PIK3R1: variants seen among roughly 807,000 people sequenced by gnomAD.
The protein encoded by PIK3R1 is phosphoinositide-3-kinase regulatory subunit 1.
PIK3R1 carries 29 observed loss-of-function variants against 98.0 expected under a neutral mutation model. That is an observed-to-expected ratio of 0.30 (90% CI 0.22 to 0.40). The LOEUF (loss-of-function observed/expected upper bound fraction) is 0.40, where lower values mean the gene tolerates loss of function less well. Ranked by LOEUF, PIK3R1 falls within the 10% of genes least tolerant of loss-of-function variation. The pLI is 1.00. For synonymous variants in PIK3R1, 282 were observed against 311.8 expected (o/e 0.90, Z 1.01); for missense variants, 596 against 872.7 (o/e 0.68, Z 3.99).
intron 2 of PIK3R1, among the ~76,000 whole-genome samples, chr5:68,271,244 T>TC (rs1198986247): frequency 1.6e-3 from 240 of 152,174 alleles, no homozygotes; most frequent in African/African-American, 5.3e-3. Context: ...GAGGTGAAGT[T>TC]CCCACCCAGC....
intron 1 of PIK3R1, among the ~76,000 whole-genome samples, chr5:68,219,640 C>T (rs1159928338): frequency 6.6e-6 from 1 of 152,242 alleles, no homozygotes; most frequent in Non-Finnish European, 1.5e-5. Flanking sequence ...ACTACATGGG[C>T]AAAGTCCACA....
rs1311409210 is a variant in PIK3R1, at chr5:68,226,445, C to T, written c.-231C>T. On this transcript the variant is annotated 5_prime_UTR_variant, in exon 2 of 16. The change creates a new upstream start codon in the 5' untranslated region. Coordinates refer to ENST00000521381, the MANE Select transcript of PIK3R1 (RefSeq NM_181523.3). ...GGAAGCCAGTGAGAGGACTGTGGCA[C>T]GCAGAGGAAGTGGAGCCCTGTCTTC... 22 of 512,428 alleles carry T rather than the reference C, an allele frequency of 4.3e-5. No homozygotes were observed. The highest frequency in any genetic ancestry group is 2.0e-4 in the East Asian group (7 of 34,600). 31.7% of individuals were successfully genotyped at this position (512,428 alleles called of 1,614,324 possible). A position where few individuals can be genotyped will look rare whatever the true frequency, so the allele number is the denominator to read the frequency against.
intron 4 of PIK3R1, among the ~76,000 whole-genome samples, chr5:68,275,204 T>C (rs1746523003): frequency 6.6e-6 from 1 of 152,230 alleles, no homozygotes; most frequent in Non-Finnish European, 1.5e-5. Context: ...GAACAGAGCA[T>C]ATCCTCTTTG....
intron 2 of PIK3R1, among the ~76,000 whole-genome samples, chr5:68,270,105 G>A (rs961908589): frequency 7.9e-5 from 12 of 152,024 alleles, no homozygotes; most frequent in African/African-American, 2.9e-4. Flanking sequence ...TTTGAGAAAA[G>A]TTCCAGTGTT....
At chr5:68,228,323 A>T (rs1263569005) in intron 2 of PIK3R1, among the ~76,000 whole-genome samples, 1 of 152,210 alleles carries the variant, frequency 6.6e-6, no homozygotes, top group African/African-American at 2.4e-5. Context: ...ATAGATTGGG[A>T]ATATTGTGTT....
chr5:68,278,854 C>A (rs140413457), intron 4 of PIK3R1, among the ~76,000 whole-genome samples: 1 of 152,048 alleles, frequency 6.6e-6, no homozygotes, highest in Non-Finnish European at 1.5e-5. Context: ...GCAGGAGAAT[C>A]GCTTGAACCC....
chr5:68,275,114 A>G (rs763399027), intron 4 of PIK3R1, among the ~76,000 whole-genome samples: 26 of 152,202 alleles, frequency 1.7e-4, no homozygotes, highest in Non-Finnish European at 3.4e-4. Flanking sequence ...TTACACTTGA[A>G]ATGTTCTGAC....
chr5:68,243,917 TC>T (rs1561267174), intron 2 of PIK3R1, among the ~76,000 whole-genome samples: 1 of 152,240 alleles, frequency 6.6e-6, no homozygotes, highest in African/African-American at 2.4e-5. Context: ...CTTGTTTACT[TC>T]CTGCTCTTCT....
At chr5:68,247,928 T>A (rs1054426231) in intron 2 of PIK3R1, among the ~76,000 whole-genome samples, 3 of 152,040 alleles carry the variant, frequency 2.0e-5, no homozygotes, top group African/African-American at 7.2e-5. Context: ...GTCCTTAAGG[T>A]GCATTTGATA....
intron 2 of PIK3R1, among the ~76,000 whole-genome samples, chr5:68,238,997 A>G (rs1744776308): frequency 6.6e-6 from 1 of 151,298 alleles, no homozygotes; most frequent in East Asian, 1.9e-4. Flanking sequence ...AAAATAGTGC[A>G]TTGATTTTAG....
chr5:68,299,431 T>TC lies in PIK3R1; in HGVS notation c.*1830_*1831insC, dbSNP rs1747917615. 1 of 233,262 alleles carries TC rather than the reference T, an allele frequency of 4.3e-6. No individual in the cohort carries two copies. Among genetic ancestry groups the TC allele is most frequent in the Admixed American group, 5.6e-5 (1 of 17,768 alleles). 14.4% of individuals were successfully genotyped at this position (233,262 alleles called of 1,614,324 possible). A position where few individuals can be genotyped will look rare whatever the true frequency, so the allele number is the denominator to read the frequency against. ...ATTCTAATCATTGTATGTGCTTCACTACGGGGGGGAGAAGGAAACGTTAGC... is the reference window on the plus strand; with the variant it reads ...ATTCTAATCATTGTATGTGCTTCACTCACGGGGGGGAGAAGGAAACGTTAGC... On this transcript the variant is annotated 3_prime_UTR_variant, in exon 16 of 16. Coordinates refer to ENST00000521381, the MANE Select transcript of PIK3R1 (RefSeq NM_181523.3).
At chr5:68,232,440 T>G (rs1744514765) in intron 2 of PIK3R1, among the ~76,000 whole-genome samples, 1 of 152,112 alleles carries the variant, frequency 6.6e-6, no homozygotes, top group South Asian at 2.1e-4. Flanking sequence ...CCTGGCCACT[T>G]TAGGAATTCA....
chr5:68,258,366 T>C (rs1334822352), intron 2 of PIK3R1, among the ~76,000 whole-genome samples: 1 of 152,208 alleles, frequency 6.6e-6, no homozygotes. Context: ...GGATCCTGTG[T>C]TATATACATC....
intron 2 of PIK3R1, chr5:68,239,883 GAGTTACTATTCCTTAC>G (rs1489132709): frequency 2.0e-6 from 1 of 506,000 alleles, no homozygotes; most frequent in Non-Finnish European, 3.9e-6. Context: ...GCAGATGTGT[GAGTTACTATTCCTTAC>G]AGCAAAAGAA....
At chr5:68,244,874 T>C (rs1172610062) in intron 2 of PIK3R1, among the ~76,000 whole-genome samples, 1 of 152,230 alleles carries the variant, frequency 6.6e-6, no homozygotes, top group Admixed American at 6.5e-5. Context: ...ATGAGTTTTA[T>C]GGACAATTTC....
chr5:68,270,781 A>G (rs1295359776), intron 2 of PIK3R1, among the ~76,000 whole-genome samples: 1 of 152,140 alleles, frequency 6.6e-6, no homozygotes, highest in Non-Finnish European at 1.5e-5. Flanking sequence ...TGACAGGATG[A>G]TATTTCATTG....
At chr5:68,292,082 T>A (rs1415550658) in intron 7 of PIK3R1, 177 bp from the exon 8 acceptor site, 2 of 445,384 alleles carry the variant, frequency 4.5e-6, no homozygotes, top group African/African-American at 4.0e-5. Flanking sequence ...TTTTGAGCCA[T>A]GCTCTGAAAG....
intron 7 of PIK3R1, chr5:68,288,581 T>A: frequency 6.5e-7 from 1 of 1,528,854 alleles, no homozygotes. Flanking sequence ...GCGCCCCCGC[T>A]CCTGCGCGCA....
chr5:68,288,596 C>T (rs938435043), intron 7 of PIK3R1: 10 of 1,543,452 alleles, frequency 6.5e-6, no homozygotes, highest in African/African-American at 1.4e-5. Context: ...CGCGCACTCT[C>T]GGCGCCGGAC....
Sources: allele counts gnomAD v4.1 joint callset (sites outside exome capture counted in the v4.1 genomes callset), GRCh38; gene constraint gnomAD v4.1.1; transcripts MANE v1.5; gene names NCBI Gene and HGNC (gene_info 2026-07-23, HGNC 2026-07-21).